RAPGEF5: variants seen among roughly 807,000 people sequenced by gnomAD.
RAPGEF5 encodes the protein M-Ras-regulated GEF.
In RAPGEF5, 65 loss-of-function variants were observed where a neutral mutation model predicts 125.2. The observed-to-expected ratio is 0.52, with a 90% CI of 0.43 to 0.64. The LOEUF (loss-of-function observed/expected upper bound fraction) is 0.64, where lower values mean the gene tolerates loss of function less well. RAPGEF5 is among the 30% of genes least tolerant of loss of function. The probability of loss-of-function intolerance (pLI) is 0.00; values close to 1 mark genes in which losing one functional copy is unlikely to be tolerated. For missense variants in RAPGEF5, 958 were observed against 1,048.1 expected, an observed-to-expected ratio of 0.91 and a Z score of 1.19; for synonymous variants, 391 against 385.9, an observed-to-expected ratio of 1.01 and a Z score of -0.16.
chr7:22,160,708 A>T (rs1783960817), intron 13 of RAPGEF5, 93 bp from the exon 14 acceptor site: 1 of 1,310,828 alleles, frequency 7.6e-7, no homozygotes, highest in African/African-American at 1.6e-5. Context: ...ACAGGAAATA[A>T]GGAGGGATTC....
chr7:22,159,995 G>A (rs999298065), intron 14 of RAPGEF5, among the ~76,000 whole-genome samples: 14 of 152,082 alleles, frequency 9.2e-5, no homozygotes, highest in African/African-American at 3.1e-4. Context: ...TGTAATCCCA[G>A]ATACTTAGGA....
chr7:22,155,749 T>C (rs1220354477), intron 16 of RAPGEF5, among the ~76,000 whole-genome samples: 1 of 152,208 alleles, frequency 6.6e-6, no homozygotes, highest in East Asian at 1.9e-4. Context: ...GAAAAAGGCT[T>C]TCCTCCTTCC....
chr7:22,292,579 T>C (rs1782959201), intron 5 of RAPGEF5, among the ~76,000 whole-genome samples: 2 of 152,244 alleles, frequency 1.3e-5, no homozygotes, highest in Non-Finnish European at 2.9e-5. Flanking sequence ...AGCTTTATTA[T>C]TAAGATTCTC....
intron 5 of RAPGEF5, among the ~76,000 whole-genome samples, chr7:22,304,850 G>GAC (rs1191174833): frequency 1.3e-5 from 2 of 152,172 alleles, no homozygotes; most frequent in African/African-American, 4.8e-5. Flanking sequence ...CCTATATTAA[G>GAC]AGCATATCAC....
chr7:22,245,914 T>C (rs1469526220), intron 7 of RAPGEF5, among the ~76,000 whole-genome samples: 5 of 152,114 alleles, frequency 3.3e-5, no homozygotes, highest in Admixed American at 3.3e-4. Flanking sequence ...CATAAAACAG[T>C]AGCATTTCTA....
intron 6 of RAPGEF5, among the ~76,000 whole-genome samples, chr7:22,289,718 T>A (rs1243174367): frequency 2.0e-5 from 3 of 152,202 alleles, no homozygotes; most frequent in South Asian, 2.1e-4. Context: ...AGGCTTTGAG[T>A]CCCATCCAAA....
At chr7:22,351,768 AC>A (rs1784334973) in intron 1 of RAPGEF5, among the ~76,000 whole-genome samples, 1 of 152,242 alleles carries the variant, frequency 6.6e-6, no homozygotes. Context: ...CATTGGGCAT[AC>A]TGGTATATAA....
At chr7:22,149,063 T>A (rs1783535384) in intron 18 of RAPGEF5, among the ~76,000 whole-genome samples, 1 of 152,116 alleles carries the variant, frequency 6.6e-6, no homozygotes, top group African/African-American at 2.4e-5. Flanking sequence ...GAGTCAAACA[T>A]ATAATTGCAT....
intron 6 of RAPGEF5, among the ~76,000 whole-genome samples, chr7:22,286,633 A>G (rs1022420683): frequency 2.0e-4 from 30 of 152,210 alleles, no homozygotes; most frequent in African/African-American, 7.2e-4. Context: ...AGTACTTCTC[A>G]GATCTTTTAA....
At chr7:22,312,395 G>T (rs1262743778) in intron 3 of RAPGEF5, among the ~76,000 whole-genome samples, 2 of 152,064 alleles carry the variant, frequency 1.3e-5, no homozygotes, top group South Asian at 2.1e-4. Context: ...TTTTAGTAGA[G>T]CTGGGGTTTC....
chr7:22,297,123 A>C (rs1264060845), intron 5 of RAPGEF5, among the ~76,000 whole-genome samples: 24 of 152,234 alleles, frequency 1.6e-4, no homozygotes. Context: ...ATTGTGCAGC[A>C]GCTAGAGGGA....
intron 9 of RAPGEF5, chr7:22,194,877 CG>C (rs1413502143): frequency 8.2e-6 from 4 of 487,286 alleles, no homozygotes; most frequent in Non-Finnish European, 1.1e-5. Context: ...GCCTCCAACT[CG>C]GAGCCATGAA....
At chr7:22,327,395 G>T (rs1783834526) in intron 1 of RAPGEF5, among the ~76,000 whole-genome samples, 1 of 152,082 alleles carries the variant, frequency 6.6e-6, no homozygotes, top group Non-Finnish European at 1.5e-5. Flanking sequence ...GATCTATATT[G>T]TGCTCATACT....
chr7:22,148,357 C>A (rs919863932), intron 18 of RAPGEF5, among the ~76,000 whole-genome samples: 4 of 152,322 alleles, frequency 2.6e-5, no homozygotes, highest in African/African-American at 9.6e-5. Flanking sequence ...TCTATTTATT[C>A]AAGGTTAAAT....
At chr7:22,318,103 C>A (rs1783639959) in intron 1 of RAPGEF5, 66 bp from the exon 2 acceptor site, 21 of 1,403,928 alleles carry the variant, frequency 1.5e-5, no homozygotes, top group Admixed American at 6.2e-5. Flanking sequence ...AAAATGAAAA[C>A]ATAAGCAACA....
At chr7:22,310,315 C>CTTA (rs1783440211) in intron 3 of RAPGEF5, among the ~76,000 whole-genome samples, 1 of 152,136 alleles carries the variant, frequency 6.6e-6, no homozygotes, top group Non-Finnish European at 1.5e-5. Flanking sequence ...CATCAAATCA[C>CTTA]CTAAAATTTA....
intron 7 of RAPGEF5, among the ~76,000 whole-genome samples, chr7:22,257,828 ATCT>A (rs1414726173): frequency 2.0e-5 from 3 of 152,192 alleles, no homozygotes; most frequent in Admixed American, 2.0e-4. Flanking sequence ...TCCTAATACA[ATCT>A]TCTTCATTTA....
intron 11 of RAPGEF5, among the ~76,000 whole-genome samples, chr7:22,175,813 T>C (rs924609195): frequency 2.0e-5 from 3 of 152,224 alleles, no homozygotes; most frequent in Admixed American, 6.5e-5. Flanking sequence ...TTCTAACAAC[T>C]GAATCAACTT....
At chr7:22,354,905 A>G (rs1366178756) in intron 1 of RAPGEF5, among the ~76,000 whole-genome samples, 2 of 152,258 alleles carry the variant, frequency 1.3e-5, no homozygotes, top group Admixed American at 1.3e-4. Flanking sequence ...TTGTTATGAC[A>G]GCCTGAGCTG....
Sources: allele counts gnomAD v4.1 joint callset (sites outside exome capture counted in the v4.1 genomes callset), GRCh38; gene constraint gnomAD v4.1.1; transcripts MANE v1.5; gene names NCBI Gene and HGNC (gene_info 2026-07-23, HGNC 2026-07-21).